Variants in COL28A1 observed in about 807,000 individuals in gnomAD.
COL28A1 encodes collagen type XXVIII alpha 1 chain, also known as collagen alpha-1(XXVIII) chain.
COL28A1 carries 161 observed loss-of-function variants against 150.2 expected under a neutral mutation model. The observed-to-expected ratio is 1.07, with a 90% CI of 0.94 to 1.22. The LOEUF is 1.22. COL28A1 is among the 50% of genes most tolerant of loss of function. The pLI is 0.00. For missense variants in COL28A1, 1,617 were observed against 1,388.3 expected, an observed-to-expected ratio of 1.16 and a Z score of -2.62; for synonymous variants, 552 against 469.7, an observed-to-expected ratio of 1.18 and a Z score of -2.26.
At position 7,489,395 on chromosome 7, in the gene COL28A1, T is replaced by C; in HGVS notation, c.1158A>G (p.Gly386=). The C allele has an allele frequency of 3.7e-6, 5 of 1,354,482 alleles. No individual in the cohort carries two copies. Among genetic ancestry groups the C allele is most frequent in the African/African-American group, 1.4e-5 (1 of 70,134 alleles). The allele number at this position is 1,354,482 out of a possible 1,614,324, so 83.9% of individuals were successfully genotyped here. A position where few individuals can be genotyped will look rare whatever the true frequency, so the allele number is the denominator to read the frequency against. ...APGPIGVGEP[G]QPGPRGPEGV... is the part of the protein sequence containing the mutation. ...TAGAATTTTTGCTACTTACTGGCTG[T>C]CCAGGCTCACCAACTCCAATGGGTC... The change falls in exon 13 of 35, where the codon GGA becomes GGG. Residue 386 remains glycine, a synonymous_variant. Coordinates refer to ENST00000399429, the MANE Select transcript of COL28A1 (RefSeq NM_001037763.3).
intron 25 of COL28A1, among the ~76,000 whole-genome samples, chr7:7,426,995 T>C (rs900605964): frequency 1.6e-4 from 25 of 152,150 alleles, no homozygotes; most frequent in Non-Finnish European, 5.9e-5. Flanking sequence ...AATAACAATA[T>C]GTTTATGGTG....
rs769863634 is a variant in COL28A1, at chr7:7,490,622, A to G, written c.1051T>C (p.Tyr351His). ...ATTCCAGGAGCTCCTGGAGAACCAT[A>G]AGGACCAGGAGGACCTGGCTCACCC... is the stretch of plus-strand genomic sequence containing the variant. ...NKGEPGPPGP[Y>H]GSPGAPGIGQ... The change falls in exon 12 of 35, where the codon TAT becomes CAT. Residue 351 changes from tyrosine (Y) to histidine (H), a missense_variant. Physicochemically the swap from Tyr to His is moderately conservative, Grantham distance 83 (BLOSUM62 2). Transcript: ENST00000399429. The G allele has an allele frequency of 3.6e-6, 5 of 1,378,708 alleles. No homozygotes were observed. The South Asian group carries it at 5.8e-5, about 16-fold the overall frequency. The allele number at this position is 1,378,708 out of a possible 1,614,324, so 85.4% of individuals were successfully genotyped here. A position where few individuals can be genotyped will look rare whatever the true frequency, so the allele number is the denominator to read the frequency against.
At chr7:7,428,138 A>G (rs1371845278) in intron 25 of COL28A1, among the ~76,000 whole-genome samples, 1 of 152,246 alleles carries the variant, frequency 6.6e-6, no homozygotes, top group African/African-American at 2.4e-5. Flanking sequence ...CATGACAATG[A>G]TAATAGTAAT....
intron 33 of COL28A1, among the ~76,000 whole-genome samples, chr7:7,369,641 C>A (rs1781113737): frequency 6.6e-6 from 1 of 152,294 alleles, no homozygotes; most frequent in South Asian, 2.1e-4. Context: ...CCTTTCTGCA[C>A]TTTTGTGAAC....
At chr7:7,349,956 A>C in the COL28A1 span, among the ~76,000 whole-genome samples, 137,217 of 152,128 alleles carry the variant, frequency 0.9, 62,011 homozygotes, top group East Asian at 1. Flanking sequence ...TTGAAGAACA[A>C]ATTTAAGGAC....
upstream of COL28A1, among the ~76,000 whole-genome samples, chr7:7,536,959 A>T (rs1030112176): frequency 6.6e-6 from 1 of 152,210 alleles, no homozygotes; most frequent in African/African-American, 2.4e-5. Context: ...GATAATGAAG[A>T]CAATTTTCCC....
chr7:7,524,565 T>C (rs1257277289), intron 3 of COL28A1, among the ~76,000 whole-genome samples: 2 of 152,190 alleles, frequency 1.3e-5, no homozygotes, highest in African/African-American at 4.8e-5. Flanking sequence ...ATAAAGTTAA[T>C]CAGTCATAAT....
At position 7,453,496 on chromosome 7, in the gene COL28A1, G is replaced by T; in HGVS notation, c.1384C>A (p.Pro462Thr). The T allele has an allele frequency of 8.8e-7, 1 of 1,135,672 alleles. No homozygotes were observed. The highest frequency in any genetic ancestry group is 1.3e-6 in the Non-Finnish European group (1 of 751,242). 70.3% of individuals were successfully genotyped at this position (1,135,672 alleles called of 1,614,324 possible). A position where few individuals can be genotyped will look rare whatever the true frequency, so the allele number is the denominator to read the frequency against. ...GSQGEQGIQG[P>T]IGPPGPQGPA... The stretch of plus-strand genomic sequence containing the variant: ...CCTTGTGGACCAGGTGGACCAATAG[G>T]ACCTTGGATTCCCTTTAAAATAAAA... Residue 462 changes from proline to threonine, a missense_variant, in exon 17 of 35, where the codon CCT becomes ACT. Coordinates refer to ENST00000399429, the MANE Select transcript of COL28A1 (RefSeq NM_001037763.3).
Position 7,372,668 on chromosome 7 carries a change from T to C in COL28A1, c.2908+330A>G, listed in dbSNP as rs1266740518. On this transcript the variant is annotated intron_variant, in intron 32 of 34. Transcript: ENST00000399429. ...TGTTGGCTTGCTCGATCCCTTATTT[T>C]AGTTAGGTAACTTTCTGAACATTAA... Among the ~76,000 whole-genome samples the C allele has an allele frequency of 2.6e-5, 4 of 152,308 alleles. No individual in the cohort carries two copies. In the East Asian group the frequency reaches 7.7e-4, roughly 29 times the overall value.
intron 27 of COL28A1, among the ~76,000 whole-genome samples, chr7:7,384,346 A>C (rs1018853200): frequency 2.6e-5 from 4 of 152,154 alleles, no homozygotes; most frequent in African/African-American, 9.7e-5. Flanking sequence ...AGTAGGGATG[A>C]TTGGTCTTCT....
intron 16 of COL28A1, among the ~76,000 whole-genome samples, chr7:7,455,813 T>C (rs1787114832): frequency 6.6e-6 from 1 of 152,210 alleles, no homozygotes; most frequent in South Asian, 2.1e-4. Context: ...ATGTTAAAAG[T>C]CACAGCATCA....
At chr7:7,421,102 C>T (rs1441152418) in intron 25 of COL28A1, among the ~76,000 whole-genome samples, 1 of 152,174 alleles carries the variant, frequency 6.6e-6, no homozygotes, top group East Asian at 1.9e-4. Flanking sequence ...TGCCCATCAA[C>T]TGGTGAATGG....
intron 2 of COL28A1, 147 bp downstream of exon 2, chr7:7,532,605 T>C (rs1383829690): frequency 1.9e-6 from 2 of 1,045,334 alleles, no homozygotes; most frequent in Non-Finnish European, 2.7e-6. Flanking sequence ...ATGTAAGGTA[T>C]ATTATCATCA....
In COL28A1 at chr7:7,380,746, G is replaced by A. The variant is rs368306264; in HGVS notation, c.2286+36C>T. Reference sequence around the variant, plus strand: ...TCAATATAGGTTGGAACCAGTTAGAGTATAAAATCACAGTGAGACATTAAA... The same window carrying A: ...TCAATATAGGTTGGAACCAGTTAGAATATAAAATCACAGTGAGACATTAAA... On this transcript the variant is annotated intron_variant, in intron 29 of 34. Transcript: ENST00000399429. 12 of 1,611,952 alleles carry A rather than the reference G, an allele frequency of 7.4e-6. No homozygotes were observed. The African/African-American group carries it at 1.6e-4, about 22-fold the overall frequency.
At chr7:7,387,836 G>C (rs1166703340) in intron 27 of COL28A1, among the ~76,000 whole-genome samples, 6 of 152,098 alleles carry the variant, frequency 3.9e-5, no homozygotes, top group African/African-American at 1.4e-4. Flanking sequence ...GAGTATACAG[G>C]TACTTTGCCT....
At chr7:7,419,577 C>T (rs1784283085) in intron 26 of COL28A1, among the ~76,000 whole-genome samples, 1 of 152,136 alleles carries the variant, frequency 6.6e-6, no homozygotes, top group Non-Finnish European at 1.5e-5. Flanking sequence ...CCTGAGGCAC[C>T]TCTGCCAAAG....
chr7:7,450,028 T>C (rs1233456976), intron 18 of COL28A1, among the ~76,000 whole-genome samples: 1 of 152,064 alleles, frequency 6.6e-6, no homozygotes, highest in Non-Finnish European at 1.5e-5. Flanking sequence ...AAATATATTA[T>C]AAACCTATTA....
chr7:7,493,485 T>A (rs1780037766), intron 11 of COL28A1, among the ~76,000 whole-genome samples: 1 of 152,190 alleles, frequency 6.6e-6, no homozygotes, highest in South Asian at 2.1e-4. Flanking sequence ...AATATTGCTT[T>A]ACAAGGCAGT....
intron 28 of COL28A1, 47 bp downstream of exon 28, chr7:7,381,497 T>C: frequency 7.3e-7 from 1 of 1,372,868 alleles, no homozygotes; most frequent in East Asian, 2.3e-5. Flanking sequence ...AGTTAAGCTA[T>C]TGCGATCCTA....
Sources: allele counts gnomAD v4.1 joint callset (sites outside exome capture counted in the v4.1 genomes callset), GRCh38; gene constraint gnomAD v4.1.1; transcripts MANE v1.5; gene names NCBI Gene and HGNC (gene_info 2026-07-23, HGNC 2026-07-21).